The following PRSS23 variants were observed in gnomAD, a reference collection of about 807,000 sequenced individuals.
PRSS23 encodes serine protease 23.
PRSS23 carries 25 observed loss-of-function variants against 34.7 expected under a neutral mutation model. The ratio of observed to expected loss-of-function variants is 0.72; its 90% CI spans 0.53 to 1.01. The LOEUF is 1.01. Among genes scored for constraint, PRSS23 ranks in the 50% least tolerant of loss-of-function variants. PRSS23 has a pLI of 0.00. For synonymous variants in PRSS23, 176 were observed against 186.6 expected, an observed-to-expected ratio of 0.94 and a Z score of 0.46; for missense variants, 445 against 475.6, an observed-to-expected ratio of 0.94 and a Z score of 0.60.
At chr11:86,904,575 C>A (rs1044779496) in intron 2 of PRSS23, among the ~76,000 whole-genome samples, 9 of 152,182 alleles carry the variant, frequency 5.9e-5, no homozygotes, top group African/African-American at 1.4e-4. Flanking sequence ...CCCACCTGAG[C>A]ATTATTCCTC....
At chr11:86,824,370 T>TAAAATAAATA (rs372867879) in intron 2 of PRSS23, among the ~76,000 whole-genome samples, 3 of 94,708 alleles carry the variant, frequency 3.2e-5, no homozygotes, top group African/African-American at 1.5e-4. Context: ...TAAAATAAAA[T>TAAAATAAATA]AAATAAAATA....
chr11:86,872,058 C>A (rs888729940), intron 2 of PRSS23, among the ~76,000 whole-genome samples: 1 of 152,180 alleles, frequency 6.6e-6, no homozygotes, highest in Non-Finnish European at 1.5e-5. Flanking sequence ...TTACAATTAG[C>A]AGTAAGGGGT....
At chr11:86,952,032 G>A in exon 3 of PRSS23, 1 of 1,614,088 alleles carries the variant, frequency 6.2e-7, no homozygotes, top group Non-Finnish European at 8.5e-7. Flanking sequence ...GAATCGATCA[G>A]GAAGGTCAGT....
chr11:86,799,510 T>C (rs954967335), upstream of PRSS23, among the ~76,000 whole-genome samples: 1 of 152,172 alleles, frequency 6.6e-6, no homozygotes, highest in Admixed American at 6.5e-5. Context: ...CCAAACCTCC[T>C]GTTCCTTATA....
rs574299711 is a variant in PRSS23, at chr11:86,810,196, G to T, written c.*1401G>T. 2 of 166,772 alleles carry T rather than the reference G, an allele frequency of 1.2e-5. No homozygotes were observed. The highest frequency in any genetic ancestry group is 3.9e-4 in the East Asian group (2 of 5,186). The allele number at this position is 166,772 out of a possible 1,614,324, so 10.3% of individuals were successfully genotyped here. ...TGTATGTTTTTATTTTATGGCTCTC[G>T]GCCTAAGCACTTCTTTCTAAATGTA... On this transcript the variant is annotated 3_prime_UTR_variant, in exon 2 of 2. Transcript: ENST00000280258.
chr11:86,879,226 T>C (rs1292710223), intron 2 of PRSS23, among the ~76,000 whole-genome samples: 2 of 140,912 alleles, frequency 1.4e-5, no homozygotes, highest in African/African-American at 5.5e-5. Context: ...GGAGCGCCTC[T>C]GCCCCGCCGC....
At chr11:86,860,373 C>A (rs1335920308) in intron 2 of PRSS23, among the ~76,000 whole-genome samples, 1 of 151,750 alleles carries the variant, frequency 6.6e-6, no homozygotes, top group Non-Finnish European at 1.5e-5. Flanking sequence ...TGTACACTGC[C>A]CTTGTGGTGT....
intron 2 of PRSS23, among the ~76,000 whole-genome samples, chr11:86,906,522 G>A (rs1249972992): frequency 6.6e-6 from 1 of 152,192 alleles, no homozygotes; most frequent in African/African-American, 2.4e-5. Flanking sequence ...AATCAGCCCC[G>A]CAGTGCCTCG....
rs1337010108 is a variant in PRSS23, at chr11:86,811,124, C to T, written c.*2329C>T. 6.0e-6 allele frequency: 1 copy of T among 167,084 alleles called. No individual in the cohort carries two copies. The highest frequency in any genetic ancestry group is 2.4e-5 in the African/African-American group (1 of 41,464). 10.4% of individuals were successfully genotyped at this position (167,084 alleles called of 1,614,324 possible). Reference sequence around the variant, plus strand: ...GCCTCTCCATTTTCCCTCTCTTTATCAGAGGTTCACATGCCTGTCTGCACA... The same window carrying T: ...GCCTCTCCATTTTCCCTCTCTTTATTAGAGGTTCACATGCCTGTCTGCACA... On this transcript the variant is annotated 3_prime_UTR_variant, in exon 2 of 2. Transcript: ENST00000280258.
chr11:86,932,071 T>G (rs182065764), intron 2 of PRSS23, among the ~76,000 whole-genome samples: 1 of 152,232 alleles, frequency 6.6e-6, no homozygotes, highest in African/African-American at 2.4e-5. Context: ...GATGGAGACT[T>G]CCAAAATTGC....
chr11:86,815,362 G>A (rs1948207780), downstream of PRSS23, among the ~76,000 whole-genome samples: 1 of 152,202 alleles, frequency 6.6e-6, no homozygotes, highest in Non-Finnish European at 1.5e-5. Context: ...ATTTCATGAG[G>A]ACAGAGGTTT....
chr11:86,816,347 T>G (rs1282057620), intron 1 of PRSS23, among the ~76,000 whole-genome samples: 2 of 152,212 alleles, frequency 1.3e-5, no homozygotes, highest in Non-Finnish European at 1.5e-5. Flanking sequence ...CTTCTCCTTT[T>G]GAGGTCACTG....
chr11:86,886,255 G>T (rs1948801575), intron 2 of PRSS23, among the ~76,000 whole-genome samples: 1 of 152,158 alleles, frequency 6.6e-6, no homozygotes, highest in Non-Finnish European at 1.5e-5. Context: ...ACAGTTGTCA[G>T]CCCTTTCCAA....
intron 2 of PRSS23, among the ~76,000 whole-genome samples, chr11:86,938,159 G>A (rs920248244): frequency 2.0e-5 from 3 of 152,220 alleles, no homozygotes; most frequent in Non-Finnish European, 4.4e-5. Context: ...CATTTGTCGA[G>A]CACCCGAACC....
chr11:86,859,160 G>T (rs1206129871), intron 2 of PRSS23, among the ~76,000 whole-genome samples: 1 of 151,824 alleles, frequency 6.6e-6, no homozygotes, highest in East Asian at 1.9e-4. Context: ...ATCAGGGGAA[G>T]TGACACCCCC....
intron 2 of PRSS23, among the ~76,000 whole-genome samples, chr11:86,835,636 C>G (rs12797823): frequency 0.06 from 9,170 of 152,224 alleles, 345 homozygotes; most frequent in Middle Eastern, 0.099. Flanking sequence ...GCCAAGGAAC[C>G]CTCTTAGTTG....
Position 86,808,613 on chromosome 11 carries a change from A to T in PRSS23, c.970A>T (p.Met324Leu). The change falls in exon 2 of 2, where the codon ATG (methionine) becomes TTG (leucine). Residue 324 changes from methionine to leucine, a missense_variant. By Grantham distance (15) the Met-to-Leu change is conservative. Coordinates refer to ENST00000280258, the MANE Select transcript of PRSS23 (RefSeq NM_007173.6). ...GASGSGVYVRMWKRQQQKWER... is the reference protein window; with the variant it reads ...GASGSGVYVRLWKRQQQKWER... Reference sequence around the variant, plus strand: ...CAGCGGGTCTGGGGTCTATGTGAGGATGTGGAAGAGACAGCAGCAGAAGTG... The same window carrying T: ...CAGCGGGTCTGGGGTCTATGTGAGGTTGTGGAAGAGACAGCAGCAGAAGTG... 6.2e-7 allele frequency: 1 copy of T among 1,614,186 alleles called. No homozygotes were observed. Among genetic ancestry groups the T allele is most frequent in the Non-Finnish European group, 8.5e-7 (1 of 1,180,032 alleles).
At chr11:86,875,326 ATGCGGT>A (rs892280138) in intron 2 of PRSS23, among the ~76,000 whole-genome samples, 3 of 152,146 alleles carry the variant, frequency 2.0e-5, no homozygotes, top group Admixed American at 6.5e-5. Context: ...AGCCAAGATC[ATGCGGT>A]TGCACTCCAG....
intron 2 of PRSS23, among the ~76,000 whole-genome samples, chr11:86,863,038 G>GAGCA (rs758057747): frequency 6.6e-6 from 1 of 151,938 alleles, no homozygotes; most frequent in Non-Finnish European, 1.5e-5. Flanking sequence ...ATCACTGTGG[G>GAGCA]AGCACATCCT....
Sources: allele counts gnomAD v4.1 joint callset (sites outside exome capture counted in the v4.1 genomes callset), GRCh38; gene constraint gnomAD v4.1.1; transcripts MANE v1.5; gene names NCBI Gene and HGNC (gene_info 2026-07-23, HGNC 2026-07-21).